The following IL1RAPL1 variants were observed in gnomAD, a reference collection of about 807,000 sequenced individuals.
The protein encoded by IL1RAPL1 is interleukin 1 receptor accessory protein like 1, also known as interleukin-1 receptor accessory protein-like 1.
In IL1RAPL1, 3 loss-of-function variants were observed where a neutral mutation model predicts 48.4. That is an observed-to-expected ratio of 0.06 (90% CI 0.03 to 0.16). The LOEUF (loss-of-function observed/expected upper bound fraction) is 0.16. Among genes scored for constraint, IL1RAPL1 ranks in the 10% least tolerant of loss-of-function variants. IL1RAPL1 has a pLI of 1.00. For synonymous variants in IL1RAPL1, 185 were observed against 187.7 expected (o/e 0.99, Z 0.12); for missense variants, 349 against 530.6 (o/e 0.66, Z 3.36).
intron 1 of IL1RAPL1, among the ~76,000 whole-genome samples, chrX:28,782,536 A>T (rs966504196): frequency 1.8e-5 from 2 of 112,024 alleles, no homozygotes; most frequent in Non-Finnish European, 3.8e-5. Context: ...TGAAAATAGT[A>T]ACATTAACTA....
chrX:29,708,023 A>G (rs1015475732), intron 6 of IL1RAPL1, among the ~76,000 whole-genome samples: 18 of 111,121 alleles, frequency 1.6e-4, no homozygotes, highest in Non-Finnish European at 2.1e-4. Flanking sequence ...ATATACTCAC[A>G]TATATTTTAA....
chrX:28,659,613 G>T, intron 1 of IL1RAPL1: 1 of 393,039 alleles, frequency 2.5e-6, no homozygotes, highest in East Asian at 4.5e-5. Flanking sequence ...CGGCGGCTGC[G>T]AACACAATTG....
chrX:29,822,587 A>G (rs946485602), intron 6 of IL1RAPL1, among the ~76,000 whole-genome samples: 6 of 110,537 alleles, frequency 5.4e-5, no homozygotes, highest in Non-Finnish European at 1.1e-4. Context: ...TTAAATAAGA[A>G]TGTATGTTTT....
At chrX:29,924,408 G>C (rs1315542548) in intron 8 of IL1RAPL1, among the ~76,000 whole-genome samples, 1 of 112,197 alleles carries the variant, frequency 8.9e-6, no homozygotes, top group Non-Finnish European at 1.9e-5. Context: ...GGATAATTTT[G>C]TTTATTTATT....
chrX:28,832,078 CACAA>C (rs1195242814), intron 2 of IL1RAPL1, among the ~76,000 whole-genome samples: 1 of 111,004 alleles, frequency 9.0e-6, no homozygotes, highest in African/African-American at 3.3e-5. Context: ...AATTCATCAC[CACAA>C]ACATTTATTT....
intron 2 of IL1RAPL1, among the ~76,000 whole-genome samples, chrX:29,281,830 A>G (rs1405373449): frequency 8.9e-6 from 1 of 112,293 alleles, no homozygotes; most frequent in Non-Finnish European, 1.9e-5. Context: ...TGCCGTAACA[A>G]AATACTATAG....
chrX:29,203,547 C>T (rs1420023760), intron 2 of IL1RAPL1, among the ~76,000 whole-genome samples: 1 of 108,326 alleles, frequency 9.2e-6, no homozygotes, highest in African/African-American at 3.4e-5. Flanking sequence ...ATGGAGAAAC[C>T]CCGTCTCTAC....
intron 5 of IL1RAPL1, among the ~76,000 whole-genome samples, chrX:29,597,149 A>ATTTTTTTTTTTTTTTTTTTTTTT (rs35180262): frequency 1.8e-5 from 1 of 55,938 alleles, no homozygotes; most frequent in African/African-American, 6.7e-5. Flanking sequence ...TTTGTTGAGG[A>ATTTTTTTTTTTTTTTTTTTTTTT]TTTTTTTTTT....
chrX:29,149,272 G>A (rs751849443), intron 2 of IL1RAPL1, among the ~76,000 whole-genome samples: 1 of 110,393 alleles, frequency 9.1e-6, no homozygotes, highest in South Asian at 3.8e-4. Context: ...ATTTGGACTT[G>A]CCTAATCCTT....
At chrX:29,524,400 T>C (rs778050561) in intron 5 of IL1RAPL1, among the ~76,000 whole-genome samples, 8 of 111,446 alleles carry the variant, frequency 7.2e-5, no homozygotes, top group Non-Finnish European at 9.4e-5. Flanking sequence ...TTATTATTGA[T>C]TTAAATTCTT....
intron 2 of IL1RAPL1, among the ~76,000 whole-genome samples, chrX:29,169,151 T>G (rs1406091459): frequency 9.1e-6 from 1 of 109,450 alleles, no homozygotes; most frequent in Non-Finnish European, 1.9e-5. Context: ...TTTGACATAC[T>G]GATTTCATTT....
chrX:28,955,165 C>G lies in IL1RAPL1; in HGVS notation c.82+165740C>G, dbSNP rs76522087. Among the ~76,000 whole-genome samples, 68 of 111,448 alleles carry G rather than the reference C, an allele frequency of 6.1e-4. No individual in the cohort carries two copies. In the East Asian group the frequency reaches 0.016, roughly 26 times the overall value. On this transcript the variant is annotated intron_variant, in intron 2 of 10. Transcript: ENST00000378993. ...ATCATTTAAAATAATGAAATATAGA[C>G]TCCTACTAGCCAAAACATTTTATCA...
intron 2 of IL1RAPL1, among the ~76,000 whole-genome samples, chrX:29,001,422 A>C (rs1179914031): frequency 9.0e-6 from 1 of 111,540 alleles, no homozygotes; most frequent in Non-Finnish European, 1.9e-5. Context: ...AGATAGCCCA[A>C]GTCTTCTAGT....
At chrX:29,675,217 G>A (rs1926246651) in intron 6 of IL1RAPL1, among the ~76,000 whole-genome samples, 2 of 112,217 alleles carry the variant, frequency 1.8e-5, no homozygotes, top group African/African-American at 6.5e-5. Context: ...CATCTATAAC[G>A]AATTTAAACA....
chrX:29,063,648 G>C (rs1313917061), intron 2 of IL1RAPL1, among the ~76,000 whole-genome samples: 1 of 111,927 alleles, frequency 8.9e-6, no homozygotes, highest in Non-Finnish European at 1.9e-5. Context: ...CTGTATACTA[G>C]AGTGAAGAAA....
chrX:28,742,413 T>C (rs1241467466), intron 1 of IL1RAPL1, among the ~76,000 whole-genome samples: 1 of 111,700 alleles, frequency 9.0e-6, no homozygotes, highest in East Asian at 2.8e-4. Flanking sequence ...TAATTGATAA[T>C]AGGAATACAA....
chrX:29,204,588 G>A (rs760904065), intron 2 of IL1RAPL1, among the ~76,000 whole-genome samples: 4 of 111,235 alleles, frequency 3.6e-5, no homozygotes, highest in Admixed American at 9.6e-5. Context: ...GTTCCTATAC[G>A]CTCTTTGTCA....
chrX:29,333,283 C>G (rs1205150242), intron 3 of IL1RAPL1, among the ~76,000 whole-genome samples: 5 of 108,618 alleles, frequency 4.6e-5, no homozygotes, highest in Non-Finnish European at 9.7e-5. Context: ...GGGGGCTGAC[C>G]CCCCCCACCA....
At chrX:29,455,414 C>T (rs1202045547) in intron 5 of IL1RAPL1, among the ~76,000 whole-genome samples, 1 of 111,498 alleles carries the variant, frequency 9.0e-6, no homozygotes, top group East Asian at 2.8e-4. Flanking sequence ...ATTATTTTTT[C>T]CAACTCAGTG....
Sources: gnomAD v4.1 joint callset for allele counts (sites outside exome capture counted in the v4.1 genomes callset) on GRCh38, gnomAD v4.1.1 for gene constraint, MANE v1.5 for transcripts, NCBI Gene and HGNC (gene_info 2026-07-23, HGNC 2026-07-21) for gene names.